The following ADGRF4 variants were observed in gnomAD, a reference collection of about 807,000 sequenced individuals.
The protein encoded by ADGRF4 is G-protein coupled receptor PGR18.
ADGRF4 carries 63 observed loss-of-function variants against 58.5 expected under a neutral mutation model. The observed-to-expected ratio is 1.08, with a 90% CI of 0.88 to 1.33. The LOEUF (loss-of-function observed/expected upper bound fraction) is 1.33, where lower values mean the gene tolerates loss of function less well. Ranked by LOEUF, ADGRF4 falls within the 40% of genes most tolerant of loss-of-function variation. ADGRF4 has a pLI of 0.00. For synonymous variants in ADGRF4, 313 were observed against 295.4 expected, an observed-to-expected ratio of 1.06 and a Z score of -0.61; for missense variants, 931 against 843.9, an observed-to-expected ratio of 1.10 and a Z score of -1.28.
intron 7 of ADGRF4, 94 bp from the exon 8 acceptor site, chr6:47,717,198 T>C (rs921521187): frequency 1.2e-6 from 1 of 864,584 alleles, no homozygotes; most frequent in Non-Finnish European, 2.0e-6. Flanking sequence ...ATATTGCTTC[T>C]GCCAGGGTTA....
chr6:47,718,453 T>A lies in ADGRF4; in HGVS notation c.*3+8T>A, dbSNP rs751993265. 1.3e-6 allele frequency: 2 copies of A among 1,515,684 alleles called. No homozygotes were observed. Among genetic ancestry groups the A allele is most frequent in the South Asian group, 2.2e-5 (2 of 89,022 alleles). The allele number at this position is 1,515,684 out of a possible 1,614,324, so 93.9% of individuals were successfully genotyped here. On this transcript the variant is annotated splice_region_variant and intron_variant, in intron 9 of 9. Transcript: ENST00000283303. ...AATCGTCAAGGATGAAATGTGAGTA[T>A]TAAAAATATAAAGAGAAATTTCACT...
At chr6:47,702,945 C>G (rs1014954722) in intron 1 of ADGRF4, among the ~76,000 whole-genome samples, 1 of 152,218 alleles carries the variant, frequency 6.6e-6, no homozygotes, top group Non-Finnish European at 1.5e-5. Flanking sequence ...ATCAGGCTCC[C>G]ATATGAAAGC....
chr6:47,719,372 C>T (rs762639331), intron 9 of ADGRF4, among the ~76,000 whole-genome samples: 10 of 152,002 alleles, frequency 6.6e-5, no homozygotes, highest in South Asian at 2.1e-4. Context: ...GCTGGGAAAA[C>T]GGGGAGAGGA....
chr6:47,700,453 C>G (rs193111747), intron 1 of ADGRF4, among the ~76,000 whole-genome samples: 80 of 152,268 alleles, frequency 5.3e-4, no homozygotes, highest in African/African-American at 1.8e-3. Context: ...GCTCCAGGTA[C>G]AAGCAAGATG....
At chr6:47,705,207 A>G (rs1184279879) in intron 1 of ADGRF4, among the ~76,000 whole-genome samples, 1 of 152,200 alleles carries the variant, frequency 6.6e-6, no homozygotes, top group Non-Finnish European at 1.5e-5. Context: ...GATTACAGAC[A>G]TGAGTTGCCG....
intron 2 of ADGRF4, 39 bp downstream of exon 2, chr6:47,707,377 C>A (rs79068273): frequency 8.3e-7 from 1 of 1,209,540 alleles, no homozygotes; most frequent in Non-Finnish European, 1.2e-6. Context: ...GAGGAGAAAT[C>A]TCTCAGTTGC....
intron 3 of ADGRF4, 87 bp downstream of exon 3, chr6:47,708,365 C>T: frequency 1.1e-6 from 1 of 952,342 alleles, no homozygotes; most frequent in South Asian, 1.4e-5. Context: ...GTCCCCAGAC[C>T]ACAGGCTTTC....
Position 47,714,306 on chromosome 6 carries a change from C to A in ADGRF4, c.1061C>A (p.Ser354Tyr), listed in dbSNP as rs1012749438. ...NARAQCVGWHSKKRRWDEKAC... is the reference protein window; with the variant it reads ...NARAQCVGWHYKKRRWDEKAC... ...AGAGCCCAGTGTGTTGGCTGGCACT[C>A]CAAGAAAAGGAGATGGGATGAGAAA... The change falls in exon 6 of 10, where the codon TCC (serine) becomes TAC (tyrosine). Residue 354 changes from serine (S) to tyrosine (Y), a missense_variant. By Grantham distance (144) the Ser-to-Tyr change is moderately radical (BLOSUM62 -2). Coordinates refer to ENST00000283303, the MANE Select transcript of ADGRF4 (RefSeq NM_153838.5). 5 of 1,613,972 alleles carry A rather than the reference C, an allele frequency of 3.1e-6. No individual in the cohort carries two copies. The highest frequency in any genetic ancestry group is 1.3e-5 in the African/African-American group (1 of 74,898).
chr6:47,715,776 A>G lies in ADGRF4; in HGVS notation c.1932+599A>G, dbSNP rs115172979. On this transcript the variant is annotated intron_variant, in intron 6 of 9. Coordinates refer to ENST00000283303, the MANE Select transcript of ADGRF4 (RefSeq NM_153838.5). ...TAGAATGTTCCCCACTACTCTTTTA[A>G]ATAATGTAACTAAACATCAAAGTAT... 4.3e-3 allele frequency among the ~76,000 whole-genome samples: 660 copies of G among 152,308 alleles called. 3 individuals carry two copies. The highest frequency in any genetic ancestry group is 0.014 in the African/African-American group (576 of 41,564).
At chr6:47,699,584 T>C (rs1771539587) in intron 1 of ADGRF4, among the ~76,000 whole-genome samples, 1 of 152,206 alleles carries the variant, frequency 6.6e-6, no homozygotes, top group Non-Finnish European at 1.5e-5. Flanking sequence ...CAGATTCCAA[T>C]TTTTAGAAGA....
At chr6:47,700,239 C>T (rs1771560550) in intron 1 of ADGRF4, among the ~76,000 whole-genome samples, 1 of 152,220 alleles carries the variant, frequency 6.6e-6, no homozygotes. Context: ...TCCTGACTGA[C>T]TACACTTACA....
intron 8 of ADGRF4, 92 bp downstream of exon 8, chr6:47,717,443 G>C: frequency 1.2e-6 from 1 of 832,218 alleles, no homozygotes; most frequent in Non-Finnish European, 2.1e-6. Context: ...CTCAGGATCT[G>C]TGGGCAAAGA....
intron 1 of ADGRF4, among the ~76,000 whole-genome samples, chr6:47,703,598 G>A (rs1040876961): frequency 6.6e-6 from 1 of 152,028 alleles, no homozygotes; most frequent in South Asian, 2.1e-4. Flanking sequence ...CATCCCAAAT[G>A]GTATATAGTT....
In ADGRF4 at chr6:47,713,940, A is replaced by G. The variant is rs1416948829; in HGVS notation, c.695A>G (p.Glu232Gly). Residue 232 changes from glutamate (E) to glycine (G), a missense_variant, in exon 6 of 10, where the codon GAG becomes GGG. Physicochemically the swap from Glu to Gly is moderately conservative, Grantham distance 98. Coordinates refer to ENST00000283303, the MANE Select transcript of ADGRF4 (RefSeq NM_153838.5). ...CAACTCCACATCCACAATAATTCTG[A>G]GAACATTGTGAATGAACTCTTCATT... ...ARQLHIHNNSENIVNELFIQT... is the reference protein window; with the variant it reads ...ARQLHIHNNSGNIVNELFIQT... 2 of 1,610,206 alleles carry G rather than the reference A, an allele frequency of 1.2e-6. No individual in the cohort carries two copies. The highest frequency in any genetic ancestry group is 1.1e-5 in the South Asian group (1 of 90,234).
At chr6:47,702,617 C>G (rs1284256213) in intron 1 of ADGRF4, among the ~76,000 whole-genome samples, 1 of 152,190 alleles carries the variant, frequency 6.6e-6, no homozygotes, top group Non-Finnish European at 1.5e-5. Context: ...TATTCTGTCA[C>G]AATTACTGCT....
Position 47,714,065 on chromosome 6 carries a change from C to A in ADGRF4, c.820C>A (p.Gln274Lys). 2 of 1,613,974 alleles carry A rather than the reference C, an allele frequency of 1.2e-6. No individual in the cohort carries two copies. Among genetic ancestry groups the A allele is most frequent in the Non-Finnish European group, 1.7e-6 (2 of 1,179,974 alleles). The change falls in exon 6 of 10, where the codon CAG becomes AAG. Residue 274 changes from glutamine to lysine, a missense_variant. Transcript: ENST00000283303. ...NTTEDILGMVQIPRQELRKLW... is the reference protein window; with the variant it reads ...NTTEDILGMVKIPRQELRKLW... ...CACAGAAGATATCTTAGGAATGGTA[C>A]AGATTCCCAGGCAAGAGCTAAGGAA...
At chr6:47,708,834 A>T (rs931967120) in intron 3 of ADGRF4, among the ~76,000 whole-genome samples, 3 of 152,216 alleles carry the variant, frequency 2.0e-5, no homozygotes, top group African/African-American at 7.2e-5. Flanking sequence ...TGGCAAATAC[A>T]TTCTTATATA....
At chr6:47,701,775 C>T (rs1771592523) in intron 1 of ADGRF4, among the ~76,000 whole-genome samples, 1 of 152,166 alleles carries the variant, frequency 6.6e-6, no homozygotes, top group African/African-American at 2.4e-5. Flanking sequence ...TCCAAGATAA[C>T]ATATTGTGAT....
intron 1 of ADGRF4, among the ~76,000 whole-genome samples, chr6:47,705,834 T>C (rs1771697476): frequency 6.6e-6 from 1 of 152,202 alleles, no homozygotes; most frequent in Non-Finnish European, 1.5e-5. Flanking sequence ...CTTTGCCTGG[T>C]TGTGTTCACT....
Sources: gnomAD v4.1 joint callset for allele counts (sites outside exome capture counted in the v4.1 genomes callset) on GRCh38, gnomAD v4.1.1 for gene constraint, MANE v1.5 for transcripts, NCBI Gene and HGNC (gene_info 2026-07-23, HGNC 2026-07-21) for gene names.